RAB36: variants seen among roughly 807,000 people sequenced by gnomAD.
RAB36 encodes the protein RAB36, member RAS oncogene family.
In RAB36, 33 loss-of-function variants were observed where a neutral mutation model predicts 39.3. The ratio of observed to expected loss-of-function variants is 0.84; its 90% CI spans 0.64 to 1.12. The LOEUF (loss-of-function observed/expected upper bound fraction) is 1.12. Among genes scored for constraint, RAB36 ranks in the 50% most tolerant of loss-of-function variants. The pLI is 0.00. For missense variants in RAB36, 308 were observed against 355.3 expected, an observed-to-expected ratio of 0.87 and a Z score of 1.07; for synonymous variants, 133 against 140.2, an observed-to-expected ratio of 0.95 and a Z score of 0.36.
chr22:23,163,071 C>T lies in RAB36; in HGVS notation c.*1507C>T. 4.0e-6 allele frequency: 1 copy of T among 248,460 alleles called. No homozygotes were observed. Among genetic ancestry groups the T allele is most frequent in the Non-Finnish European group, 8.0e-6 (1 of 125,498 alleles). 15.4% of individuals were successfully genotyped at this position (248,460 alleles called of 1,614,324 possible). A position where few individuals can be genotyped will look rare whatever the true frequency, so the allele number is the denominator to read the frequency against. ...GGATTACAGGCATGCACCACCATGC[C>T]TGGCTAATTTTGTATTTTTAGTAGA... On this transcript the variant is annotated 3_prime_UTR_variant, in exon 11 of 11. Coordinates refer to ENST00000263116, the MANE Select transcript of RAB36 (RefSeq NM_004914.5).
rs552978067 is a variant in RAB36 at position 23,164,076 on chromosome 22, A to G, written c.*2512A>G. 6.6e-6 allele frequency: 1 copy of G among 152,398 alleles called. No homozygotes were observed. The highest frequency in any genetic ancestry group is 6.5e-5 in the Admixed American group (1 of 15,304). The allele number at this position is 152,398 out of a possible 1,614,324, so 9.4% of individuals were successfully genotyped here. A position where few individuals can be genotyped will look rare whatever the true frequency, so the allele number is the denominator to read the frequency against. On this transcript the variant is annotated 3_prime_UTR_variant, in exon 11 of 11. Coordinates refer to ENST00000263116, the MANE Select transcript of RAB36 (RefSeq NM_004914.5). ...CCGACTGCGGCCCCCAGCCTGGTCC[A>G]CTAAATGCAGCCTGTGGTCGGGCAG...
At chr22:23,157,632 G>A (rs1387349102) in intron 6 of RAB36, among the ~76,000 whole-genome samples, 1 of 152,138 alleles carries the variant, frequency 6.6e-6, no homozygotes, top group African/African-American at 2.4e-5. Flanking sequence ...TCTCGTCCTC[G>A]CCATTTTACA....
Position 23,160,244 on chromosome 22 carries a change from G to A in RAB36, c.620-635G>A, listed in dbSNP as rs748092023. 4.7e-4 allele frequency among the ~76,000 whole-genome samples: 71 copies of A among 152,216 alleles called. 1 individual carries two copies. The highest frequency in any genetic ancestry group is 2.2e-3 in the Admixed American group (34 of 15,272). On this transcript the variant is annotated intron_variant, in intron 9 of 10. Transcript: ENST00000263116. ...TTCCACTGCTCCTTTCCAACAGTGA[G>A]AACTGCTCTGTGAGAACCCTTCCTC... is the stretch of plus-strand genomic sequence containing the variant.
chr22:23,168,959 C>A (rs5996475), downstream of RAB36, among the ~76,000 whole-genome samples: 152,158 of 152,334 alleles, frequency 1, 75,991 homozygotes, highest in Middle Eastern at 1. Context: ...CACAGCCTGG[C>A]ACAACTCACT....
rs921725504 is a variant in RAB36 at position 23,152,500 on chromosome 22, C to G, written c.201C>G (p.Tyr67Ter). The stretch of plus-strand genomic sequence containing the variant: ...AGGTGGTGGTGGTTGGCGATCTCTA[C>G]GTGGGGAAGACCAGCCTCATCCACA... ...LSKVVVVGDL[Y>*]VGKTSLIHRF... Residue 67 changes from tyrosine (Y) to a stop codon, truncating the protein, a stop_gained, in exon 4 of 11, where the codon TAC (tyrosine) becomes TAG (stop). Transcript: ENST00000263116. LOFTEE classifies it high-confidence loss of function. The G allele has an allele frequency of 6.2e-7, 1 of 1,614,176 alleles. No individual in the cohort carries two copies. The highest frequency in any genetic ancestry group is 8.5e-7 in the Non-Finnish European group (1 of 1,180,030).
chr22:23,148,303 G>A (rs1032443110), intron 2 of RAB36, among the ~76,000 whole-genome samples: 1 of 152,192 alleles, frequency 6.6e-6, no homozygotes, highest in Non-Finnish European at 1.5e-5. Context: ...GCTTGACAGT[G>A]GTAACTAGGG....
At chr22:23,161,126 C>A in intron 10 of RAB36, 128 bp downstream of exon 10, 2 of 1,205,392 alleles carry the variant, frequency 1.7e-6, no homozygotes, top group Non-Finnish European at 2.3e-6. Context: ...CTTTGACCCT[C>A]CTCTCAGGGT....
intron 3 of RAB36, among the ~76,000 whole-genome samples, chr22:23,151,974 C>G (rs1344606146): frequency 6.6e-6 from 1 of 152,244 alleles, no homozygotes; most frequent in Non-Finnish European, 1.5e-5. Flanking sequence ...TGCCTGCTTG[C>G]AAGAGGCCGG....
chr22:23,161,406 G>C, intron 10 of RAB36, 94 bp from the exon 11 acceptor site: 2 of 1,152,684 alleles, frequency 1.7e-6, no homozygotes, highest in South Asian at 2.6e-5. Context: ...AGAAGCTTCA[G>C]CTCACAGCTC....
rs1381473268 is a variant in RAB36 at position 23,165,648 on chromosome 22, GTAT to G, written c.*4089_*4091del. Among the ~76,000 whole-genome samples the G allele has an allele frequency of 6.6e-6, 1 of 152,222 alleles. No homozygotes were observed. Among genetic ancestry groups the G allele is most frequent in the Non-Finnish European group, 1.5e-5 (1 of 68,036 alleles). ...CTTCATTGCTTAAAGCAACAAGCAT[GTAT>G]TATTTCTCATGATTCTATGATTTGA... On this transcript the variant is annotated 3_prime_UTR_variant, in exon 11 of 11. Transcript: ENST00000263116.
upstream of RAB36, chr22:23,145,399 C>T: frequency 6.2e-7 from 1 of 1,609,380 alleles, no homozygotes. Flanking sequence ...GATGCTTGGA[C>T]GCGCCGCTGC....
chr22:23,154,233 T>C (rs777746637), intron 5 of RAB36, among the ~76,000 whole-genome samples: 6 of 152,140 alleles, frequency 3.9e-5, no homozygotes, highest in Non-Finnish European at 8.8e-5. Flanking sequence ...CCTACATGGC[T>C]AGCCCCGCCC....
chr22:23,158,581 A>T (rs1212912992), intron 7 of RAB36, among the ~76,000 whole-genome samples: 5 of 152,216 alleles, frequency 3.3e-5, no homozygotes. Context: ...AAACCCCGTG[A>T]GGGAGGCGGG....
At chr22:23,150,185 A>T in intron 3 of RAB36, 31 bp downstream of exon 3, 1 of 1,545,392 alleles carries the variant, frequency 6.5e-7, no homozygotes, top group Non-Finnish European at 8.9e-7. Flanking sequence ...ATGGGGGAGC[A>T]GGTGGCAAGA....
In RAB36 at chr22:23,160,735, T is replaced by C. The variant is rs561518827; in HGVS notation, c.620-144T>C. ...TGTGTGAGTGGGTGGGGCTGTGCCC[T>C]CCTGGGGTCATTGTTACTGTCAGGG... On this transcript the variant is annotated intron_variant, in intron 9 of 10. Coordinates refer to ENST00000263116, the MANE Select transcript of RAB36 (RefSeq NM_004914.5). The C allele has an allele frequency of 2.6e-4, 310 of 1,171,764 alleles. 3 individuals are homozygous for C. The highest frequency in any genetic ancestry group is 3.4e-4 in the Non-Finnish European group (287 of 834,556). 72.6% of individuals were successfully genotyped at this position (1,171,764 alleles called of 1,614,324 possible).
At chr22:23,153,580 G>A (rs2071285362) in intron 5 of RAB36, 1 of 985,106 alleles carries the variant, frequency 1.0e-6, no homozygotes, top group Admixed American at 6.2e-5. Context: ...AAGGAGGGCT[G>A]AGATGGAGTA....
At position 23,158,793 on chromosome 22, in the gene RAB36, C is replaced by T; in HGVS notation, c.447-105C>T. 3 of 1,016,518 alleles carry T rather than the reference C, an allele frequency of 3.0e-6. No individual in the cohort carries two copies. The Admixed American group carries it at 5.8e-5, about 20-fold the overall frequency. 63.0% of individuals were successfully genotyped at this position (1,016,518 alleles called of 1,614,324 possible). A position where few individuals can be genotyped will look rare whatever the true frequency, so the allele number is the denominator to read the frequency against. ...GGGCCAGGAAGCCCTCCTTGTCCCT[C>T]CCAGCCCAGCACTTCAGCCCTGGGG... On this transcript the variant is annotated intron_variant, in intron 7 of 10. Transcript: ENST00000263116.
Position 23,147,030 on chromosome 22 carries a change from CAT to C in RAB36, c.69+348_69+349del, listed in dbSNP as rs369109293. On this transcript the variant is annotated intron_variant, in intron 2 of 10. Transcript: ENST00000263116. ...ACTGTTACATGAAGGTAATTCCTCT[CAT>C]ATTGGGTGCCTGGCTCATGGTATGC... Among the ~76,000 whole-genome samples, 485 of 152,302 alleles carry C rather than the reference CAT, an allele frequency of 3.2e-3. 4 individuals are homozygous for C. Among genetic ancestry groups the C allele is most frequent in the African/African-American group, 0.011 (457 of 41,560 alleles).
At chr22:23,157,311 C>T (rs899819063) in intron 6 of RAB36, among the ~76,000 whole-genome samples, 17 of 151,404 alleles carry the variant, frequency 1.1e-4, no homozygotes, top group Middle Eastern at 3.5e-3. Flanking sequence ...AGTGCAGTGG[C>T]GCAATCTCGG....
Sources: gnomAD v4.1 joint callset for allele counts (sites outside exome capture counted in the v4.1 genomes callset) on GRCh38, gnomAD v4.1.1 for gene constraint, MANE v1.5 for transcripts, NCBI Gene and HGNC (gene_info 2026-07-23, HGNC 2026-07-21) for gene names.